Variants in CDK6 observed in about 807,000 individuals in gnomAD.
The protein encoded by CDK6 is cyclin dependent kinase 6, also known as cyclin-dependent kinase 6.
Under a neutral mutation model 37.1 loss-of-function variants are expected in CDK6, and 6 were observed. The observed-to-expected ratio is 0.16, with a 90% CI of 0.09 to 0.32. The LOEUF (loss-of-function observed/expected upper bound fraction) is 0.32. Among genes scored for constraint, CDK6 ranks in the 10% least tolerant of loss-of-function variants. The pLI, the probability that CDK6 is intolerant of heterozygous loss-of-function variation, is 1.00. For missense variants in CDK6, 224 were observed against 418.9 expected, an observed-to-expected ratio of 0.53 and a Z score of 4.06; for synonymous variants, 160 against 161.3, an observed-to-expected ratio of 0.99 and a Z score of 0.06.
chr7:92,797,798 GT>G (rs979505339), intron 2 of CDK6, among the ~76,000 whole-genome samples: 1 of 152,204 alleles, frequency 6.6e-6, no homozygotes, highest in African/African-American at 2.4e-5. Context: ...ATACTGAATT[GT>G]TTTGGTTATG....
chr7:92,733,895 T>A (rs908028852), intron 3 of CDK6, among the ~76,000 whole-genome samples: 2 of 152,152 alleles, frequency 1.3e-5, no homozygotes, highest in Admixed American at 1.3e-4. Flanking sequence ...TAGAGGCTGG[T>A]CTATGTTACC....
At chr7:92,797,350 T>C (rs532055177) in intron 2 of CDK6, among the ~76,000 whole-genome samples, 2 of 152,336 alleles carry the variant, frequency 1.3e-5, no homozygotes, top group Admixed American at 6.5e-5. Context: ...GATGCAAGCA[T>C]ACTTGACATG....
At chr7:92,742,557 A>T (rs1457824731) in intron 3 of CDK6, among the ~76,000 whole-genome samples, 1 of 152,168 alleles carries the variant, frequency 6.6e-6, no homozygotes, top group African/African-American at 2.4e-5. Flanking sequence ...TATATATCTA[A>T]GAGGAATACA....
intron 4 of CDK6, among the ~76,000 whole-genome samples, chr7:92,718,430 C>A (rs990465736): frequency 6.6e-6 from 1 of 152,212 alleles, no homozygotes; most frequent in Admixed American, 6.5e-5. Flanking sequence ...GAGGCACAAA[C>A]CCTGCCAGGT....
At chr7:92,636,684 C>T (rs1796178070) in intron 5 of CDK6, among the ~76,000 whole-genome samples, 1 of 152,082 alleles carries the variant, frequency 6.6e-6, no homozygotes, top group Non-Finnish European at 1.5e-5. Context: ...AATATGTTTT[C>T]TTCTTCCCCT....
chr7:92,824,643 T>C (rs1352794230), intron 2 of CDK6, among the ~76,000 whole-genome samples: 1 of 152,174 alleles, frequency 6.6e-6, no homozygotes, highest in Non-Finnish European at 1.5e-5. Flanking sequence ...CATTCATACT[T>C]TCACAACGTG....
chr7:92,645,428 G>A (rs1182521173), intron 5 of CDK6, among the ~76,000 whole-genome samples: 1 of 152,180 alleles, frequency 6.6e-6, no homozygotes, highest in Non-Finnish European at 1.5e-5. Context: ...GCAAAATAAA[G>A]TCTGACCCAA....
intron 5 of CDK6, chr7:92,671,126 G>A (rs1306246007): frequency 1.4e-5 from 3 of 209,040 alleles, no homozygotes; most frequent in African/African-American, 2.3e-5. Flanking sequence ...AAAAAAATGC[G>A]AAAATATGTG....
chr7:92,625,531 G>T, intron 5 of CDK6, among the ~76,000 whole-genome samples: 1 of 117,594 alleles, frequency 8.5e-6, no homozygotes. Context: ...ATGCAGTTTT[G>T]CAAAAAAAAA....
intron 4 of CDK6, among the ~76,000 whole-genome samples, chr7:92,687,796 C>T (rs934668411): frequency 3.9e-5 from 6 of 152,156 alleles, no homozygotes; most frequent in African/African-American, 1.4e-4. Context: ...ACAGAAGGTC[C>T]TCTTGTATTT....
At chr7:92,777,786 G>A (rs924799925) in intron 2 of CDK6, among the ~76,000 whole-genome samples, 2 of 152,172 alleles carry the variant, frequency 1.3e-5, no homozygotes, top group Non-Finnish European at 2.9e-5. Context: ...ATGGTAGCTG[G>A]ATGGGGATAG....
chr7:92,759,490 T>C (rs1378995863), intron 3 of CDK6, among the ~76,000 whole-genome samples: 1 of 151,964 alleles, frequency 6.6e-6, no homozygotes, highest in African/African-American at 2.4e-5. Context: ...AATGATTTGG[T>C]CTGGGATAAA....
At chr7:92,658,759 A>C (rs1209302620) in intron 5 of CDK6, among the ~76,000 whole-genome samples, 6 of 152,140 alleles carry the variant, frequency 3.9e-5, no homozygotes, top group Non-Finnish European at 7.3e-5. Context: ...TTTTCGTTTA[A>C]ATTTTTTTAA....
intron 3 of CDK6, among the ~76,000 whole-genome samples, chr7:92,767,663 CCT>C (rs760104807): frequency 1.7e-4 from 26 of 152,008 alleles, no homozygotes; most frequent in East Asian, 1.3e-3. Context: ...GATTTATCCC[CCT>C]GTCTACTCTC....
chr7:92,835,232 G>C lies in CDK6; in HGVS notation c.-368+1246C>G, dbSNP rs1242895627. On this transcript the variant is annotated intron_variant, in intron 1 of 7. Coordinates refer to ENST00000424848, the MANE Select transcript of CDK6 (RefSeq NM_001145306.2). The surrounding 1 kb of genome is among the most constrained non-coding windows in gnomAD (Gnocchi z 4.2). ...AGGTCGAGGGCCACACAGGTAGCCG[G>C]GGAGCCGCCGCCGGCCGCCCAACCC... is the stretch of plus-strand genomic sequence containing the variant. The C allele has an allele frequency of 6.5e-6, 1 of 153,316 alleles. No individual in the cohort carries two copies. The highest frequency in any genetic ancestry group is 1.4e-5 in the Non-Finnish European group (1 of 69,104). The allele number at this position is 153,316 out of a possible 1,614,324, so 9.5% of individuals were successfully genotyped here. A position where few individuals can be genotyped will look rare whatever the true frequency, so the allele number is the denominator to read the frequency against.
intron 3 of CDK6, among the ~76,000 whole-genome samples, chr7:92,730,237 A>T (rs1003516180): frequency 6.6e-6 from 1 of 152,252 alleles, no homozygotes; most frequent in Non-Finnish European, 1.5e-5. Context: ...TTTAAAAATT[A>T]AAAACAGGAC....
At chr7:92,744,307 G>A (rs1299894739) in intron 3 of CDK6, among the ~76,000 whole-genome samples, 1 of 152,186 alleles carries the variant, frequency 6.6e-6, no homozygotes, top group Non-Finnish European at 1.5e-5. Context: ...ATGTTACATG[G>A]CAGCAGGGAA....
chr7:92,718,623 T>C (rs966873420), intron 4 of CDK6, among the ~76,000 whole-genome samples: 2 of 152,186 alleles, frequency 1.3e-5, no homozygotes, highest in African/African-American at 2.4e-5. Context: ...ACGAATTGCA[T>C]GACGCGCACA....
intron 4 of CDK6, among the ~76,000 whole-genome samples, chr7:92,716,027 C>T (rs1011269890): frequency 6.6e-6 from 1 of 152,170 alleles, no homozygotes; most frequent in African/African-American, 2.4e-5. Context: ...CCCAGACACA[C>T]ATTCAAAGTG....
Sources: gnomAD v4.1 joint callset for allele counts (sites outside exome capture counted in the v4.1 genomes callset) on GRCh38, gnomAD v4.1.1 for gene constraint, Gnocchi (gnomAD v3.1) non-coding constraint, MANE v1.5 for transcripts, NCBI Gene and HGNC (gene_info 2026-07-23, HGNC 2026-07-21) for gene names.